Variants in ADAMTSL3 observed in about 807,000 individuals in gnomAD.
ADAMTSL3 encodes ADAMTS-like protein 3.
A neutral mutation model predicts 201.7 loss-of-function variants in ADAMTSL3; 128 were observed. The observed-to-expected ratio is 0.63, with a 90% CI of 0.55 to 0.73. The LOEUF (loss-of-function observed/expected upper bound fraction) is 0.73, where lower values mean the gene tolerates loss of function less well. Ranked by LOEUF, ADAMTSL3 falls within the 30% of genes least tolerant of loss-of-function variation. The probability of loss-of-function intolerance (pLI) is 0.00; values close to 1 mark genes in which losing one functional copy is unlikely to be tolerated. For missense variants in ADAMTSL3, 1,990 were observed against 2,119.6 expected (o/e 0.94, Z 1.20); for synonymous variants, 738 against 748.4 (o/e 0.99, Z 0.23).
chr15:83,777,376 G>C (rs541522246), intron 4 of ADAMTSL3, among the ~76,000 whole-genome samples: 1 of 152,118 alleles, frequency 6.6e-6, no homozygotes, highest in Non-Finnish European at 1.5e-5. Flanking sequence ...TGTAATGACC[G>C]GCAGTCCAAA....
At chr15:83,982,210 A>G in intron 20 of ADAMTSL3, 63 bp from the exon 21 acceptor site, 2 of 1,335,788 alleles carry the variant, frequency 1.5e-6, no homozygotes, top group Non-Finnish European at 2.0e-6. Flanking sequence ...TTACTGTCAA[A>G]AAGTCTGTAT....
rs779834148 is a variant in ADAMTSL3 at position 84,021,518 on chromosome 15, G to C, written c.4382G>C (p.Ser1461Thr). The change falls in exon 26 of 30, where the codon AGT (serine) becomes ACT (threonine). Residue 1461 changes from serine to threonine, a missense_variant. Coordinates refer to ENST00000286744, the MANE Select transcript of ADAMTSL3 (RefSeq NM_207517.3). Reference protein sequence around the residue: ...QCVMANGQEVSEALCDHLQKP... With the variant: ...QCVMANGQEVTEALCDHLQKP... ...GTGATGGCCAATGGGCAGGAAGTGA[G>C]TGAGGCCCTGTGTGATCACCTCCAG... 3 of 1,614,172 alleles carry C rather than the reference G, an allele frequency of 1.9e-6. No individual in the cohort carries two copies. The East Asian group carries it at 6.7e-5, about 36-fold the overall frequency.
chr15:83,740,135 C>T (rs1018343025), intron 3 of ADAMTSL3: 28 of 274,200 alleles, frequency 1.0e-4, no homozygotes, highest in Non-Finnish European at 1.3e-4. Flanking sequence ...TCATTGACCT[C>T]GTCTTGGACT....
At chr15:83,706,187 G>A (rs1356478109) in intron 3 of ADAMTSL3, among the ~76,000 whole-genome samples, 5 of 152,120 alleles carry the variant, frequency 3.3e-5, no homozygotes, top group Non-Finnish European at 4.4e-5. Context: ...GGATAAAAGC[G>A]GGTGTCTGGA....
At chr15:83,919,589 G>A (rs2066099937) in intron 16 of ADAMTSL3, among the ~76,000 whole-genome samples, 1 of 152,038 alleles carries the variant, frequency 6.6e-6, no homozygotes, top group African/African-American at 2.4e-5. Context: ...TGAATAGAGG[G>A]GATTTTTTTT....
At chr15:83,987,492 G>C (rs1295713818) in intron 21 of ADAMTSL3, among the ~76,000 whole-genome samples, 2 of 152,180 alleles carry the variant, frequency 1.3e-5, no homozygotes, top group Non-Finnish European at 2.9e-5. Flanking sequence ...GGAAGAAATA[G>C]ATATTTCATC....
At chr15:83,874,588 G>A (rs2065143722) in intron 9 of ADAMTSL3, among the ~76,000 whole-genome samples, 1 of 143,664 alleles carries the variant, frequency 7.0e-6, no homozygotes, top group South Asian at 2.2e-4. Flanking sequence ...CTGCTTAATT[G>A]TTAGTAGCTC....
At chr15:83,680,997 A>T (rs1197875261) in intron 2 of ADAMTSL3, among the ~76,000 whole-genome samples, 1 of 152,152 alleles carries the variant, frequency 6.6e-6, no homozygotes, top group Non-Finnish European at 1.5e-5. Flanking sequence ...AATGCTACAG[A>T]TTCTCGTAGT....
At chr15:83,691,575 A>G (rs1417166292) in intron 2 of ADAMTSL3, among the ~76,000 whole-genome samples, 4 of 152,188 alleles carry the variant, frequency 2.6e-5, no homozygotes, top group Non-Finnish European at 5.9e-5. Context: ...AATGAGTCCA[A>G]TGTTTATTCA....
intron 3 of ADAMTSL3, among the ~76,000 whole-genome samples, chr15:83,713,066 C>T (rs1233216655): frequency 6.6e-6 from 1 of 152,164 alleles, no homozygotes; most frequent in Non-Finnish European, 1.5e-5. Context: ...TTCCTACCCA[C>T]GTGGCCTCTT....
intron 3 of ADAMTSL3, among the ~76,000 whole-genome samples, chr15:83,741,147 A>G (rs1046947959): frequency 6.6e-6 from 1 of 151,706 alleles, no homozygotes; most frequent in Non-Finnish European, 1.5e-5. Flanking sequence ...TTATACTCCA[A>G]TCTCATGGAC....
intron 5 of ADAMTSL3, 74 bp from the exon 6 acceptor site, chr15:83,819,737 G>T: frequency 8.3e-7 from 1 of 1,199,994 alleles, no homozygotes; most frequent in Non-Finnish European, 1.2e-6. Flanking sequence ...ATGAGATTCT[G>T]GTGAACTTAT....
intron 4 of ADAMTSL3, among the ~76,000 whole-genome samples, chr15:83,793,555 C>T (rs961924719): frequency 1.3e-5 from 2 of 152,132 alleles, no homozygotes; most frequent in Non-Finnish European, 2.9e-5. Context: ...CTGCTCACTG[C>T]AGCCTCCGCC....
At chr15:83,885,340 C>G (rs1001160730) in intron 10 of ADAMTSL3, 128 bp downstream of exon 10, 2 of 721,202 alleles carry the variant, frequency 2.8e-6, no homozygotes, top group African/African-American at 1.8e-5. Context: ...GCACCTTACT[C>G]AGCAGCCTGA....
intron 3 of ADAMTSL3, among the ~76,000 whole-genome samples, chr15:83,745,720 A>G (rs1158038533): frequency 1.3e-5 from 2 of 152,158 alleles, no homozygotes; most frequent in Non-Finnish European, 2.9e-5. Flanking sequence ...TCAAGGAAAC[A>G]TTTTCTGTTT....
intron 23 of ADAMTSL3, 60 bp downstream of exon 23, chr15:83,991,274 G>A: frequency 6.2e-7 from 1 of 1,606,466 alleles, no homozygotes; most frequent in Non-Finnish European, 8.5e-7. Flanking sequence ...GGCCATCCCA[G>A]TGTTGCCAGG....
chr15:83,655,073 G>T (rs936221525), intron 1 of ADAMTSL3, among the ~76,000 whole-genome samples: 4 of 152,118 alleles, frequency 2.6e-5, no homozygotes, highest in Non-Finnish European at 5.9e-5. Flanking sequence ...AAAAGTCCCC[G>T]CTTCCCTCCT....
At chr15:83,696,544 T>C (rs1292177707) in intron 2 of ADAMTSL3, among the ~76,000 whole-genome samples, 1 of 152,258 alleles carries the variant, frequency 6.6e-6, no homozygotes, top group African/African-American at 2.4e-5. Context: ...TTAAAATCTG[T>C]TGGAATCTCA....
intron 3 of ADAMTSL3, among the ~76,000 whole-genome samples, chr15:83,769,269 C>T (rs1418320353): frequency 1.3e-5 from 2 of 152,116 alleles, no homozygotes; most frequent in East Asian, 1.9e-4. Context: ...TCACATTCAA[C>T]CTTTTGGTAT....
Sources: gnomAD v4.1 joint callset for allele counts (sites outside exome capture counted in the v4.1 genomes callset) on GRCh38, gnomAD v4.1.1 for gene constraint, MANE v1.5 for transcripts, NCBI Gene and HGNC (gene_info 2026-07-23, HGNC 2026-07-21) for gene names.